The following CSGALNACT1 variants were observed in gnomAD, a reference collection of about 807,000 sequenced individuals.
CSGALNACT1 encodes the protein chondroitin sulfate N-acetylgalactosaminyltransferase 1, also known as beta4GalNAcT-1.
Under a neutral mutation model 51.0 loss-of-function variants are expected in CSGALNACT1, and 52 were observed. That is an observed-to-expected ratio of 1.02 (90% CI 0.82 to 1.29). The LOEUF (loss-of-function observed/expected upper bound fraction) is 1.29, where lower values mean the gene tolerates loss of function less well. Among genes scored for constraint, CSGALNACT1 ranks in the 50% most tolerant of loss-of-function variants. The pLI is 0.00. For missense variants in CSGALNACT1, 935 were observed against 679.2 expected (o/e 1.38, Z -4.19); for synonymous variants, 341 against 254.4 (o/e 1.34, Z -3.24).
chr8:19,599,553 A>C (rs558407572), intron 2 of CSGALNACT1, among the ~76,000 whole-genome samples: 24 of 151,922 alleles, frequency 1.6e-4, no homozygotes, highest in Non-Finnish European at 2.8e-4. Context: ...GAAAGAAAGA[A>C]GGAAAGGGAA....
At position 19,666,808 on chromosome 8, in the gene CSGALNACT1, A is replaced by AG. The variant is rs1491232801; in HGVS notation, c.-544+15664_-544+15665insC. On this transcript the variant is annotated intron_variant, in intron 1 of 9. Coordinates refer to the CSGALNACT1 transcript ENST00000332246. ...GAAAGAAAGAAAGAAAGAAAGAAAG[A>AG]AAGAGAGAGAGAGAGAGAGAGAGAG... 2.5e-3 allele frequency among the ~76,000 whole-genome samples: 55 copies of AG among 22,424 alleles called. 1 individual carries two copies. The highest frequency in any genetic ancestry group is 5.6e-3 in the African/African-American group (18 of 3,192). The allele number at this position is 22,424 out of a possible 152,430, so 14.7% of individuals were successfully genotyped here.
At chr8:19,496,938 A>G (rs1300270338) in intron 4 of CSGALNACT1, among the ~76,000 whole-genome samples, 3 of 152,110 alleles carry the variant, frequency 2.0e-5, no homozygotes, top group Admixed American at 6.5e-5. Flanking sequence ...GCGGGAGGGG[A>G]CAGGAGCTCC....
chr8:19,549,157 G>A (rs911683083), intron 3 of CSGALNACT1, among the ~76,000 whole-genome samples: 13 of 151,766 alleles, frequency 8.6e-5, no homozygotes, highest in South Asian at 6.2e-4. Context: ...GTATCCCAGT[G>A]TGGAAGATCA....
At chr8:19,510,320 G>C (rs139287377) in intron 3 of CSGALNACT1, among the ~76,000 whole-genome samples, 32 of 152,250 alleles carry the variant, frequency 2.1e-4, no homozygotes, top group African/African-American at 7.7e-4. Context: ...TTCTGTGAAA[G>C]CAAAACACTC....
At chr8:19,586,262 A>G (rs966883973) in intron 3 of CSGALNACT1, among the ~76,000 whole-genome samples, 1 of 152,000 alleles carries the variant, frequency 6.6e-6, no homozygotes. Context: ...GGGAGGCTGA[A>G]GCAGAAGAGT....
chr8:19,422,924 C>CA (rs2058177192), intron 6 of CSGALNACT1, among the ~76,000 whole-genome samples: 1 of 152,186 alleles, frequency 6.6e-6, no homozygotes, highest in African/African-American at 2.4e-5. Flanking sequence ...TATATACAGC[C>CA]AGTAGCAATT....
At chr8:19,656,056 G>T (rs577822752) in intron 1 of CSGALNACT1, among the ~76,000 whole-genome samples, 2 of 152,150 alleles carry the variant, frequency 1.3e-5, no homozygotes, top group African/African-American at 4.8e-5. Context: ...TACATCACAA[G>T]CCTAGGTGAG....
At chr8:19,686,523 C>A (rs367746058), upstream of CSGALNACT1, among the ~76,000 whole-genome samples, 8 of 152,170 alleles carry the variant, frequency 5.3e-5, no homozygotes, top group Non-Finnish European at 8.8e-5. Context: ...GGGGGTTTGT[C>A]TGTGCCTAGG....
At chr8:19,660,197 C>A (rs921205258) in intron 1 of CSGALNACT1, among the ~76,000 whole-genome samples, 1 of 152,170 alleles carries the variant, frequency 6.6e-6, no homozygotes. Context: ...TATATTATTC[C>A]ATATATCCTG....
At chr8:19,619,767 T>C (rs2053579234) in intron 1 of CSGALNACT1, among the ~76,000 whole-genome samples, 1 of 152,146 alleles carries the variant, frequency 6.6e-6, no homozygotes, top group African/African-American at 2.4e-5. Flanking sequence ...TTCCAAATAC[T>C]GAATAAACAT....
chr8:19,567,734 G>GA (rs1180226406), intron 3 of CSGALNACT1, among the ~76,000 whole-genome samples: 1 of 151,938 alleles, frequency 6.6e-6, no homozygotes, highest in East Asian at 1.9e-4. Context: ...TAGAAAATAG[G>GA]AAAAATCCAA....
chr8:19,684,458 T>C (rs1191554841), upstream of CSGALNACT1, among the ~76,000 whole-genome samples: 1 of 152,068 alleles, frequency 6.6e-6, no homozygotes, highest in East Asian at 1.9e-4. Flanking sequence ...TCAATAAATA[T>C]TTTATACTAT....
chr8:19,632,125 GT>G (rs1488887602), intron 1 of CSGALNACT1, among the ~76,000 whole-genome samples: 3 of 152,206 alleles, frequency 2.0e-5, no homozygotes, highest in Non-Finnish European at 4.4e-5. Context: ...GGAAAACAAA[GT>G]GCAAAAACCA....
chr8:19,477,863 G>A (rs1162148116), intron 4 of CSGALNACT1, among the ~76,000 whole-genome samples: 6 of 152,182 alleles, frequency 3.9e-5, no homozygotes, highest in Non-Finnish European at 5.9e-5. Flanking sequence ...TACTATTTGG[G>A]AGTGTGGGAA....
At chr8:19,545,933 A>G (rs1203588454) in intron 3 of CSGALNACT1, among the ~76,000 whole-genome samples, 2 of 150,970 alleles carry the variant, frequency 1.3e-5, no homozygotes, top group Non-Finnish European at 3.0e-5. Flanking sequence ...AAAACAATGC[A>G]CAAAAAATAA....
chr8:19,594,720 T>C (rs528782351), intron 2 of CSGALNACT1, among the ~76,000 whole-genome samples: 289 of 152,168 alleles, frequency 1.9e-3, no homozygotes, highest in African/African-American at 6.5e-3. Context: ...ATTTTTTTTT[T>C]TTTTTATTTT....
intron 3 of CSGALNACT1, among the ~76,000 whole-genome samples, chr8:19,528,611 T>A (rs2082167883): frequency 6.6e-6 from 1 of 152,110 alleles, no homozygotes; most frequent in Admixed American, 6.5e-5. Flanking sequence ...GGAGATCCAA[T>A]CTAGAGCAAA....
In CSGALNACT1 at chr8:19,635,037, G is replaced by A. The variant is rs193065718; in HGVS notation, c.-543-33172C>T. Among the ~76,000 whole-genome samples, 7 of 152,338 alleles carry A rather than the reference G, an allele frequency of 4.6e-5. No individual in the cohort carries two copies. In the East Asian group the frequency reaches 1.2e-3, roughly 25 times the overall value. ...TAAATGTTTTAAGTAAATGTTGTAC[G>A]TTTTAAGTACAGCAAATTTCTAAAT... On this transcript the variant is annotated intron_variant, in intron 1 of 9. Coordinates refer to the CSGALNACT1 transcript ENST00000332246.
chr8:19,663,184 G>A (rs1300470148), intron 1 of CSGALNACT1, among the ~76,000 whole-genome samples: 1 of 152,086 alleles, frequency 6.6e-6, no homozygotes, highest in Non-Finnish European at 1.5e-5. Context: ...ACATTTCCAT[G>A]GAACAGCAGT....
Sources: gnomAD v4.1 joint callset for allele counts (sites outside exome capture counted in the v4.1 genomes callset) on GRCh38, gnomAD v4.1.1 for gene constraint, MANE v1.5 for transcripts, NCBI Gene and HGNC (gene_info 2026-07-23, HGNC 2026-07-21) for gene names.